Variants in JAK2 observed in about 807,000 individuals in gnomAD.
JAK2 encodes tyrosine-protein kinase JAK2.
JAK2 carries 86 observed loss-of-function variants against 139.3 expected under a neutral mutation model. The observed-to-expected ratio is 0.62, with a 90% CI of 0.52 to 0.74. JAK2 has a LOEUF of 0.74. Among genes scored for constraint, JAK2 ranks in the 30% least tolerant of loss-of-function variants. The pLI is 0.00. For synonymous variants in JAK2, 490 were observed against 437.7 expected, an observed-to-expected ratio of 1.12 and a Z score of -1.49; for missense variants, 1,421 against 1,360.3, an observed-to-expected ratio of 1.04 and a Z score of -0.70.
chr9:4,998,217 A>G (rs1394456934), intron 2 of JAK2, among the ~76,000 whole-genome samples: 1 of 151,990 alleles, frequency 6.6e-6, no homozygotes, highest in East Asian at 1.9e-4. Flanking sequence ...ATATGATGGT[A>G]TTGAAATGAG....
chr9:5,020,676 G>A (rs1471392494), intron 2 of JAK2, among the ~76,000 whole-genome samples: 1 of 152,186 alleles, frequency 6.6e-6, no homozygotes, highest in Non-Finnish European at 1.5e-5. Context: ...TGCAATGGTG[G>A]CAGCTGTAGG....
intron 5 of JAK2, among the ~76,000 whole-genome samples, chr9:5,046,418 T>C (rs1358883329): frequency 6.6e-6 from 1 of 152,222 alleles, no homozygotes; most frequent in Non-Finnish European, 1.5e-5. Context: ...GGCTGTATTC[T>C]AATTTATCTA....
intron 22 of JAK2, among the ~76,000 whole-genome samples, chr9:5,115,179 A>G (rs1823037683): frequency 6.6e-6 from 1 of 152,210 alleles, no homozygotes; most frequent in South Asian, 2.1e-4. Flanking sequence ...ACAAAAGGCT[A>G]ATATCAAGAA....
chr9:5,054,456 G>C lies in JAK2; in HGVS notation c.615-107G>C. On this transcript the variant is annotated intron_variant, in intron 6 of 24. Transcript: ENST00000381652. The surrounding 1 kb of genome is among the most constrained non-coding windows in gnomAD (Gnocchi z 4.9). ...ACGCCACTTGGCCACTGTGTTGTAA[G>C]GCCTACTTAATCATGGAAAAAGGTG... 2 of 867,248 alleles carry C rather than the reference G, an allele frequency of 2.3e-6. No individual in the cohort carries two copies. The highest frequency in any genetic ancestry group is 1.7e-5 in the South Asian group (1 of 57,472). The allele number at this position is 867,248 out of a possible 1,614,324, so 53.7% of individuals were successfully genotyped here.
At position 5,072,792 on chromosome 9, in the gene JAK2, T is replaced by C. The variant is rs554327861; in HGVS notation, c.1776+166T>C. Among the ~76,000 whole-genome samples, 457 of 152,288 alleles carry C rather than the reference T, an allele frequency of 3.0e-3. 1 individual carries two copies. Among genetic ancestry groups the C allele is most frequent in the African/African-American group, 0.011 (439 of 41,552 alleles). On this transcript the variant is annotated intron_variant, in intron 13 of 24. Coordinates refer to ENST00000381652, the MANE Select transcript of JAK2 (RefSeq NM_004972.4). The stretch of plus-strand genomic sequence containing the variant: ...TGTGGGGCTATAGAATTACAGGGTT[T>C]GAAAATTACCGGATTAAAAAAATTA...
Position 5,055,000 on chromosome 9 carries a change from G to T in JAK2, c.936+116G>T. 4.1e-6 allele frequency: 3 copies of T among 738,074 alleles called. No individual in the cohort carries two copies. The highest frequency in any genetic ancestry group is 6.4e-6 in the Non-Finnish European group (3 of 467,294). 45.7% of individuals were successfully genotyped at this position (738,074 alleles called of 1,614,324 possible). Reference sequence around the variant, plus strand: ...TGCACTTCTCCCATTTGATAGAAGTGGAAGTTTTTAATAGCGTGAACCTAT... The same window carrying T: ...TGCACTTCTCCCATTTGATAGAAGTTGAAGTTTTTAATAGCGTGAACCTAT... On this transcript the variant is annotated intron_variant, in intron 7 of 24. Coordinates refer to ENST00000381652, the MANE Select transcript of JAK2 (RefSeq NM_004972.4). This position sits in a 1 kb window ranked among gnomAD's most constrained non-coding sequence, Gnocchi z 4.9.
intron 5 of JAK2, among the ~76,000 whole-genome samples, 189 bp from the exon 6 acceptor site, chr9:5,050,497 C>T (rs894848255): frequency 3.9e-5 from 6 of 152,252 alleles, no homozygotes; most frequent in South Asian, 2.1e-4. Flanking sequence ...TCTCAAACTC[C>T]TGGGCTCAAG....
chr9:5,102,810 G>A (rs935862205), intron 22 of JAK2, among the ~76,000 whole-genome samples: 2 of 152,036 alleles, frequency 1.3e-5, no homozygotes, highest in African/African-American at 4.8e-5. Context: ...CATAAGTGAA[G>A]GAGAAATAAA....
chr9:5,068,243 G>C (rs1818705432), intron 10 of JAK2, among the ~76,000 whole-genome samples: 1 of 151,640 alleles, frequency 6.6e-6, no homozygotes, highest in Admixed American at 6.6e-5. Flanking sequence ...GGTATTGGTA[G>C]ATTTTATATA....
At chr9:5,041,940 C>T (rs577416062) in intron 4 of JAK2, 1 of 386,104 alleles carries the variant, frequency 2.6e-6, no homozygotes, top group African/African-American at 2.1e-5. Flanking sequence ...GCTGTTTCTT[C>T]CCCCTGAATC....
chr9:5,064,853 G>A (rs775791106), intron 8 of JAK2, 30 bp from the exon 9 acceptor site: 1 of 1,478,382 alleles, frequency 6.8e-7, no homozygotes, highest in Non-Finnish European at 9.0e-7. Flanking sequence ...TTTCTAAAAG[G>A]TGCTATTTCT....
At chr9:5,010,465 C>T (rs566280093) in intron 2 of JAK2, among the ~76,000 whole-genome samples, 7 of 152,034 alleles carry the variant, frequency 4.6e-5, no homozygotes, top group South Asian at 2.1e-4. Flanking sequence ...GGATTACAGG[C>T]GTGTACCACT....
chr9:5,122,975 T>C (rs925025357), intron 22 of JAK2, 29 bp from the exon 23 acceptor site: 5 of 1,417,100 alleles, frequency 3.5e-6, no homozygotes, highest in Non-Finnish European at 4.9e-6. Flanking sequence ...CAAGTAACTG[T>C]CTTTTAAATG....
intron 22 of JAK2, chr9:5,094,380 CTTAT>C (rs1486080019): frequency 6.6e-6 from 1 of 152,144 alleles, no homozygotes; most frequent in Non-Finnish European, 1.5e-5. Context: ...ATATAGGCCT[CTTAT>C]TTATTCTAGC....
intron 2 of JAK2, among the ~76,000 whole-genome samples, chr9:4,998,238 A>G (rs1222623702): frequency 6.6e-6 from 1 of 151,772 alleles, no homozygotes; most frequent in Non-Finnish European, 1.5e-5. Flanking sequence ...ATCTTAAGGG[A>G]AAAAAAACTC....
intron 22 of JAK2, among the ~76,000 whole-genome samples, chr9:5,120,189 C>A (rs1206122190): frequency 6.6e-6 from 1 of 152,230 alleles, no homozygotes; most frequent in Non-Finnish European, 1.5e-5. Context: ...CATGTCCTCA[C>A]ATGGACAAAA....
At chr9:5,026,434 C>T (rs889931639) in intron 3 of JAK2, among the ~76,000 whole-genome samples, 3 of 152,114 alleles carry the variant, frequency 2.0e-5, no homozygotes, top group Non-Finnish European at 2.9e-5. Flanking sequence ...TGTAAGTAGA[C>T]GGTCGTGTTA....
At chr9:5,052,961 A>G (rs1817522874) in intron 6 of JAK2, among the ~76,000 whole-genome samples, 1 of 152,072 alleles carries the variant, frequency 6.6e-6, no homozygotes, top group Admixed American at 6.6e-5. Context: ...GAACAGTTGT[A>G]TATGAGTAAT....
Position 5,055,694 on chromosome 9 carries a change from C to A in JAK2, c.962C>A (p.Pro321His). Reference protein sequence around the residue: ...EQDLQLYCDFPNIIDVSIKQA... With the variant: ...EQDLQLYCDFHNIIDVSIKQA... The stretch of plus-strand genomic sequence containing the variant: ...GATTTACAGTTATATTGCGATTTTC[C>A]TAATATTATTGATGTCAGTATTAAG... Residue 321 changes from proline to histidine, a missense_variant, in exon 8 of 25, where the codon CCT becomes CAT. Pro to His is a moderately conservative substitution (Grantham distance 77, BLOSUM62 -2). Coordinates refer to ENST00000381652, the MANE Select transcript of JAK2 (RefSeq NM_004972.4). 1 of 1,580,884 alleles carries A rather than the reference C, an allele frequency of 6.3e-7. No homozygotes were observed. The highest frequency in any genetic ancestry group is 1.1e-5 in the South Asian group (1 of 89,510).
Sources: allele counts gnomAD v4.1 joint callset (sites outside exome capture counted in the v4.1 genomes callset), GRCh38; gene constraint gnomAD v4.1.1; non-coding constraint Gnocchi (gnomAD v3.1); transcripts MANE v1.5; gene names NCBI Gene and HGNC (gene_info 2026-07-23, HGNC 2026-07-21).